The following PSD3 variants were observed in gnomAD, a reference collection of about 807,000 sequenced individuals.
PSD3 encodes the protein pleckstrin and Sec7 domain containing 3, also known as PH and SEC7 domain-containing protein 3.
In PSD3, 49 loss-of-function variants were observed where a neutral mutation model predicts 105.5. The observed-to-expected ratio is 0.46, with a 90% confidence interval of 0.37 to 0.59. The LOEUF is 0.59. Ranked by LOEUF, PSD3 falls within the 20% of genes least tolerant of loss-of-function variation. The probability of loss-of-function intolerance (pLI) is 0.00; values close to 1 mark genes in which losing one functional copy is unlikely to be tolerated. For missense variants in PSD3, 1,561 were observed against 1,263.8 expected (o/e 1.24, Z -3.57); for synonymous variants, 557 against 457.8 (o/e 1.22, Z -2.77).
chr8:18,921,576 A>G (rs1274315019), intron 2 of PSD3, among the ~76,000 whole-genome samples: 1 of 152,162 alleles, frequency 6.6e-6, no homozygotes, highest in African/African-American at 2.4e-5. Flanking sequence ...GGTCACGGGG[A>G]GTCTCTTTAA....
rs1379302016 is a variant in PSD3, at chr8:18,872,725, C to A, written c.139G>T (p.Gly47Ter). ...TTTGGTGGGAGTAAAGTGCTTCCTC[C>A]ATGATCACCTGTGAAGAGAACACAA... is the stretch of plus-strand genomic sequence containing the variant. Reference protein sequence around the residue: ...EGKAPDTSDHGGSTLLPPNVT... With the variant: ...EGKAPDTSDH The change falls in exon 3 of 16, where the codon GGA becomes TGA. Residue 47 changes from glycine to a stop codon, truncating the protein, a stop_gained. Coordinates refer to ENST00000327040, the MANE Select transcript of PSD3 (RefSeq NM_015310.4). LOFTEE classifies it high-confidence loss of function. 2.6e-6 allele frequency: 4 copies of A among 1,556,862 alleles called. No individual in the cohort carries two copies. The African/African-American group carries it at 5.5e-5, about 21-fold the overall frequency.
chr8:18,651,198 C>G (rs1272529908), intron 10 of PSD3, among the ~76,000 whole-genome samples: 1 of 152,228 alleles, frequency 6.6e-6, no homozygotes, highest in Non-Finnish European at 1.5e-5. Flanking sequence ...TTCAGTCACA[C>G]TCCCAGGTAA....
At chr8:19,070,762 A>G (rs1032663667) in intron 1 of PSD3, among the ~76,000 whole-genome samples, 4 of 152,172 alleles carry the variant, frequency 2.6e-5, no homozygotes, top group African/African-American at 9.7e-5. Flanking sequence ...CTCACTTTCC[A>G]CACTGCTGAC....
rs1274087805 is a variant in PSD3, at chr8:18,872,630, T to C, written c.234A>G (p.Glu78=). 6.2e-7 allele frequency: 1 copy of C among 1,614,008 alleles called. No individual in the cohort carries two copies. The highest frequency in any genetic ancestry group is 1.7e-5 in the Admixed American group (1 of 59,992). The change falls in exon 3 of 16, where the codon GAA becomes GAG. Residue 78 remains glutamate (E), a synonymous_variant. Transcript: ENST00000327040. ...EGGEGLRASL[E]FDGEALPCHP... ...GGCATGGCAGAGCCTCACCATCAAATTCCAGAGAAGCCCTTAGGCCTTCTC... is the reference window on the plus strand; with the variant it reads ...GGCATGGCAGAGCCTCACCATCAAACTCCAGAGAAGCCCTTAGGCCTTCTC...
chr8:18,727,123 G>A (rs1311943036), intron 9 of PSD3, among the ~76,000 whole-genome samples: 1 of 152,018 alleles, frequency 6.6e-6, no homozygotes, highest in Admixed American at 6.6e-5. Flanking sequence ...GAACCATGAG[G>A]ACAGGTATTC....
At chr8:18,737,358 A>G (rs10096367) in intron 9 of PSD3, among the ~76,000 whole-genome samples, 12,118 of 152,078 alleles carry the variant, frequency 0.08, 1,104 homozygotes, top group East Asian at 0.25. Context: ...ACGGGGTCTT[A>G]CTCTGTAGCC....
At chr8:19,018,789 C>T (rs1457354505) in intron 1 of PSD3, among the ~76,000 whole-genome samples, 3 of 152,154 alleles carry the variant, frequency 2.0e-5, no homozygotes, top group Non-Finnish European at 2.9e-5. Context: ...TCATGAGAGT[C>T]AGAAGATAAG....
chr8:18,699,574 C>T (rs73666693), intron 9 of PSD3, among the ~76,000 whole-genome samples: 1,548 of 152,152 alleles, frequency 0.01, 26 homozygotes, highest in African/African-American at 0.035. Context: ...CTCACTTGAC[C>T]GAATACTCTA....
chr8:19,030,243 T>C (rs1412043708), intron 1 of PSD3, among the ~76,000 whole-genome samples: 1 of 152,214 alleles, frequency 6.6e-6, no homozygotes, highest in Non-Finnish European at 1.5e-5. Context: ...GATTTTTCTT[T>C]TTTATGCTGT....
intron 11 of PSD3, among the ~76,000 whole-genome samples, chr8:18,627,140 G>T (rs986157017): frequency 3.3e-5 from 5 of 152,024 alleles, no homozygotes; most frequent in Non-Finnish European, 5.9e-5. Context: ...TGAAGAGAAA[G>T]AAACAAATGA....
chr8:18,553,957 C>T (rs1279755506), intron 15 of PSD3, among the ~76,000 whole-genome samples: 2 of 151,982 alleles, frequency 1.3e-5, no homozygotes, highest in Non-Finnish European at 2.9e-5. Flanking sequence ...TCTGCAAGCT[C>T]GCTGAGGTGA....
At chr8:18,995,433 T>C (rs559804320) in intron 1 of PSD3, among the ~76,000 whole-genome samples, 1 of 152,076 alleles carries the variant, frequency 6.6e-6, no homozygotes, top group African/African-American at 2.4e-5. Context: ...AATATATTGT[T>C]GTTCTGAGTC....
chr8:18,660,427 A>AT (rs1383051284), intron 9 of PSD3, among the ~76,000 whole-genome samples: 1 of 152,126 alleles, frequency 6.6e-6, no homozygotes, highest in Non-Finnish European at 1.5e-5. Flanking sequence ...GTTTGTGGTA[A>AT]TTTGTTTCAG....
rs546416522 is a variant in PSD3, at chr8:18,757,540, A to C, written c.2172+7909T>G. Among the ~76,000 whole-genome samples, 5 of 152,334 alleles carry C rather than the reference A, an allele frequency of 3.3e-5. No homozygotes were observed. The East Asian group carries it at 9.7e-4, about 29-fold the overall frequency. ...TCTTTGTTTCTTTTCTACTTCGTTC[A>C]GGTAAGGGACAAAGGGGCAATGAGG... is the stretch of plus-strand genomic sequence containing the variant. On this transcript the variant is annotated intron_variant, in intron 9 of 15. Transcript: ENST00000327040.
chr8:18,790,486 T>C (rs1373027483), intron 8 of PSD3, among the ~76,000 whole-genome samples: 1 of 151,878 alleles, frequency 6.6e-6, no homozygotes, highest in Non-Finnish European at 1.5e-5. Flanking sequence ...GTATTTTTAG[T>C]AGAGATGGGG....
In PSD3 at chr8:18,573,381, A is replaced by T. The variant is rs556597844; in HGVS notation, c.2640-709T>A. Among the ~76,000 whole-genome samples the T allele has an allele frequency of 2.0e-5, 3 of 152,228 alleles. No individual in the cohort carries two copies. The South Asian group carries it at 6.2e-4, about 32-fold the overall frequency. ...GCTACTTGGGAGGCTGAGGCAGGAGAATCACTTGTACCTGGGAGGCGGAGG... is the reference window on the plus strand; with the variant it reads ...GCTACTTGGGAGGCTGAGGCAGGAGTATCACTTGTACCTGGGAGGCGGAGG... On this transcript the variant is annotated intron_variant, in intron 13 of 15. Transcript: ENST00000327040.
chr8:18,745,954 A>C (rs76933237), intron 9 of PSD3, among the ~76,000 whole-genome samples: 2,690 of 152,368 alleles, frequency 0.018, 40 homozygotes, highest in Non-Finnish European at 0.027. Flanking sequence ...TAAAGTAATG[A>C]TAGAGGCAGA....
chr8:18,946,414 A>C (rs1283651685), intron 1 of PSD3, among the ~76,000 whole-genome samples: 1 of 152,026 alleles, frequency 6.6e-6, no homozygotes, highest in Admixed American at 6.6e-5. Flanking sequence ...CTGTCCAAAA[A>C]AATAAAAAAT....
intron 2 of PSD3, among the ~76,000 whole-genome samples, chr8:18,914,206 A>AAC (rs1820431046): frequency 6.6e-6 from 1 of 151,638 alleles, no homozygotes; most frequent in South Asian, 2.1e-4. Context: ...AAAGAAAAAA[A>AAC]AAAAAAACAC....
Sources: gnomAD v4.1 joint callset for allele counts (sites outside exome capture counted in the v4.1 genomes callset) on GRCh38, gnomAD v4.1.1 for gene constraint, MANE v1.5 for transcripts, NCBI Gene and HGNC (gene_info 2026-07-23, HGNC 2026-07-21) for gene names.